CDK13: variants seen among roughly 807,000 people sequenced by gnomAD.
The protein encoded by CDK13 is cyclin-dependent kinase 13.
In CDK13, 40 loss-of-function variants were observed where a neutral mutation model predicts 137.6. The ratio of observed to expected loss-of-function variants is 0.29; its 90% CI spans 0.23 to 0.38. The LOEUF is 0.38. Ranked by LOEUF, CDK13 falls within the 10% of genes least tolerant of loss-of-function variation. The pLI is 1.00. For synonymous variants in CDK13, 869 were observed against 760.1 expected (o/e 1.14, Z -2.36); for missense variants, 1,704 against 1,951.8 (o/e 0.87, Z 2.39).
chr7:40,005,887 A>G (rs530842024), intron 5 of CDK13, among the ~76,000 whole-genome samples: 1 of 152,118 alleles, frequency 6.6e-6, no homozygotes, highest in East Asian at 1.9e-4. Context: ...GTGCCTGGCT[A>G]ATTTTTTAAA....
chr7:40,010,222 C>T (rs997525105), intron 5 of CDK13, among the ~76,000 whole-genome samples: 1 of 152,026 alleles, frequency 6.6e-6, no homozygotes, highest in Non-Finnish European at 1.5e-5. Flanking sequence ...CAATGGGAGA[C>T]AGTGACAGAT....
chr7:40,043,062 G>A (rs559247623), intron 5 of CDK13, among the ~76,000 whole-genome samples: 1 of 152,294 alleles, frequency 6.6e-6, no homozygotes, highest in Admixed American at 6.5e-5. Context: ...ACTGGCGTGA[G>A]CTACCATGCG....
intron 7 of CDK13, chr7:40,049,232 A>AAGGAAGGAAAGAGAGACAGAGAGAG (rs1431681605): frequency 3.4e-5 from 5 of 146,860 alleles, no homozygotes; most frequent in Non-Finnish European, 7.5e-5. Flanking sequence ...GGGAAGGAGG[A>AAGGAAGGAAAGAGAGACAGAGAGAG]AGGAAGGAAA....
intron 1 of CDK13, chr7:39,985,164 C>G (rs886821123): frequency 6.7e-6 from 1 of 149,454 alleles, no homozygotes; most frequent in Non-Finnish European, 1.5e-5. Flanking sequence ...TACTCTCTAT[C>G]TCCATGAGTT....
At chr7:40,061,944 A>G (rs1052905976) in intron 7 of CDK13, 5 of 152,222 alleles carry the variant, frequency 3.3e-5, no homozygotes, top group Non-Finnish European at 7.3e-5. Flanking sequence ...GAATTATTTG[A>G]TAAAGTACGA....
chr7:40,077,550 G>A (rs1011450729), intron 9 of CDK13, among the ~76,000 whole-genome samples: 2 of 152,010 alleles, frequency 1.3e-5, no homozygotes, highest in Non-Finnish European at 2.9e-5. Flanking sequence ...AATTAAATTC[G>A]GATGACTAAA....
At chr7:39,978,283 A>G (rs771824998) in intron 1 of CDK13, among the ~76,000 whole-genome samples, 1 of 152,236 alleles carries the variant, frequency 6.6e-6, no homozygotes, top group Non-Finnish European at 1.5e-5. Context: ...AAGTGCTCCA[A>G]ATAATTGCAG....
At position 39,951,117 on chromosome 7, in the gene CDK13, T is replaced by G; in HGVS notation, c.476T>G (p.Leu159Arg). The G allele has an allele frequency of 8.1e-7, 1 of 1,242,044 alleles. No individual in the cohort carries two copies. Among genetic ancestry groups the G allele is most frequent in the Non-Finnish European group, 1.0e-6 (1 of 994,106 alleles). The allele number at this position is 1,242,044 out of a possible 1,614,324, so 76.9% of individuals were successfully genotyped here. The part of the protein sequence containing the change: ...VSSQSEQGLL[L>R]GGASAATAAT... The stretch of plus-strand genomic sequence containing the variant: ...TCCCAGTCCGAGCAGGGGCTGCTGC[T>G]GGGGGGGGCCAGCGCGGCAACGGCG... Residue 159 changes from leucine to arginine, a missense_variant, in exon 1 of 14, where the codon CTG (leucine) becomes CGG (arginine). This residue lies in a region of CDK13 where 1,051 missense variants were observed against 931.0 expected (regional missense o/e 1.13). Coordinates refer to ENST00000181839, the MANE Select transcript of CDK13 (RefSeq NM_003718.5).
chr7:39,951,370 C>G lies in CDK13; in HGVS notation c.729C>G (p.Ala243=), dbSNP rs773945365. Residue 243 remains alanine, a synonymous_variant, in exon 1 of 14, where the codon GCC becomes GCG. Coordinates refer to ENST00000181839, the MANE Select transcript of CDK13 (RefSeq NM_003718.5). ...ACAGCCACAGCGGCGAGGAACGGGCCGAGGTCGCCAAGAGCGGCAGCAGCA... is the reference window on the plus strand; with the variant it reads ...ACAGCCACAGCGGCGAGGAACGGGCGGAGGTCGCCAAGAGCGGCAGCAGCA... ...SRHSHSGEER[A]EVAKSGSSSS... 238 of 1,515,428 alleles carry G rather than the reference C, an allele frequency of 1.6e-4. 1 individual carries two copies. Among genetic ancestry groups the G allele is most frequent in the East Asian group, 1.2e-3 (45 of 37,506 alleles). The allele number at this position is 1,515,428 out of a possible 1,614,324, so 93.9% of individuals were successfully genotyped here.
At chr7:39,992,663 T>A (rs1047444100) in intron 2 of CDK13, among the ~76,000 whole-genome samples, 2 of 151,810 alleles carry the variant, frequency 1.3e-5, no homozygotes, top group Admixed American at 6.6e-5. Context: ...CAATAATCAG[T>A]ACTCCCCCCC....
intron 1 of CDK13, among the ~76,000 whole-genome samples, chr7:39,981,086 G>T (rs554136703): frequency 6.6e-6 from 1 of 152,140 alleles, no homozygotes; most frequent in Non-Finnish European, 1.5e-5. Flanking sequence ...TTTTTAGAAA[G>T]AAAAATCTTG....
chr7:40,011,576 A>G (rs1784895213), intron 5 of CDK13, among the ~76,000 whole-genome samples: 1 of 152,212 alleles, frequency 6.6e-6, no homozygotes, highest in African/African-American at 2.4e-5. Flanking sequence ...GGATAACTGG[A>G]TATCCACACA....
chr7:39,978,472 G>C (rs573725538), intron 1 of CDK13, among the ~76,000 whole-genome samples: 10 of 152,284 alleles, frequency 6.6e-5, no homozygotes, highest in African/African-American at 2.4e-4. Context: ...GATTTTGGCC[G>C]TAACTGGAAG....
chr7:39,988,282 A>G (rs752381105), intron 2 of CDK13, 24 bp downstream of exon 2: 1 of 1,546,654 alleles, frequency 6.5e-7, no homozygotes, highest in South Asian at 1.2e-5. Context: ...GTATTTGTCA[A>G]TAACTGTTCA....
Position 39,988,853 on chromosome 7 carries a change from G to A in CDK13, c.1871+595G>A, listed in dbSNP as rs903255308. Among the ~76,000 whole-genome samples, 4 of 151,764 alleles carry A rather than the reference G, an allele frequency of 2.6e-5. No homozygotes were observed. In the East Asian group the frequency reaches 5.8e-4, roughly 22 times the overall value. On this transcript the variant is annotated intron_variant, in intron 2 of 13. Coordinates refer to ENST00000181839, the MANE Select transcript of CDK13 (RefSeq NM_003718.5). ...TCCCAGCACTTTGGGAGGCCGAGGC[G>A]GGTGGATCACCTGAGGTCAGGAGTT...
intron 2 of CDK13, among the ~76,000 whole-genome samples, chr7:39,993,725 G>T (rs1271753745): frequency 6.6e-6 from 1 of 151,888 alleles, no homozygotes; most frequent in African/African-American, 2.4e-5. Context: ...TTGATTAATG[G>T]ATACTTAGGT....
chr7:40,049,011 C>T (rs1337639583), intron 7 of CDK13: 2 of 150,532 alleles, frequency 1.3e-5, no homozygotes, highest in Non-Finnish European at 2.9e-5. Context: ...GGAGACCAGC[C>T]TGGCCAACAT....
At chr7:40,055,156 C>CTGTGTGTGTGTGTGTGTG (rs56001601) in intron 7 of CDK13, among the ~76,000 whole-genome samples, 7 of 140,338 alleles carry the variant, frequency 5.0e-5, no homozygotes, top group African/African-American at 1.9e-4. Flanking sequence ...GGCAGAAGGA[C>CTGTGTGTGTGTGTGTGTG]TGTGTGTGTG....
At chr7:40,050,124 C>T (rs1338520895) in intron 7 of CDK13, among the ~76,000 whole-genome samples, 2 of 151,826 alleles carry the variant, frequency 1.3e-5, no homozygotes, top group Non-Finnish European at 2.9e-5. Context: ...GATTACAGGC[C>T]ACATTTTCTT....
Sources: gnomAD v4.1 joint callset for allele counts (sites outside exome capture counted in the v4.1 genomes callset) on GRCh38, gnomAD v4.1.1 for gene constraint, gnomAD v4.1.1 regional missense constraint, MANE v1.5 for transcripts, NCBI Gene and HGNC (gene_info 2026-07-23, HGNC 2026-07-21) for gene names.